Variants in RSU1 observed in about 807,000 individuals in gnomAD.
RSU1 encodes Ras suppressor protein 1.
In RSU1, 26 loss-of-function variants were observed where a neutral mutation model predicts 31.1. The observed-to-expected ratio is 0.84, with a 90% CI of 0.61 to 1.16. The LOEUF (loss-of-function observed/expected upper bound fraction) is 1.16. Among genes scored for constraint, RSU1 ranks in the 50% most tolerant of loss-of-function variants. The pLI is 0.00. For missense variants in RSU1, 320 were observed against 339.1 expected, an observed-to-expected ratio of 0.94 and a Z score of 0.44; for synonymous variants, 164 against 136.3, an observed-to-expected ratio of 1.20 and a Z score of -1.41.
At chr10:16,688,562 T>C (rs1835481644) in intron 8 of RSU1, among the ~76,000 whole-genome samples, 2 of 151,970 alleles carry the variant, frequency 1.3e-5, no homozygotes, top group African/African-American at 4.8e-5. Context: ...TGAGCCCAGA[T>C]CACGCCACTG....
intron 7 of RSU1, among the ~76,000 whole-genome samples, chr10:16,712,733 G>A (rs1836047073): frequency 6.6e-6 from 1 of 152,116 alleles, no homozygotes. Context: ...CTAGAGGATT[G>A]AGAGATTTAC....
intron 2 of RSU1, among the ~76,000 whole-genome samples, chr10:16,811,611 G>A (rs766884802): frequency 9.0e-4 from 137 of 152,198 alleles, no homozygotes; most frequent in Non-Finnish European, 1.0e-3. Flanking sequence ...TGCCATTACC[G>A]ATTCAGTCAT....
chr10:16,769,462 C>T (rs767075213), intron 3 of RSU1, among the ~76,000 whole-genome samples: 2 of 152,226 alleles, frequency 1.3e-5, no homozygotes, highest in African/African-American at 2.4e-5. Context: ...GGATACTGAC[C>T]GTTTCCATCA....
At chr10:16,746,097 C>T (rs1836847928) in intron 7 of RSU1, among the ~76,000 whole-genome samples, 1 of 152,164 alleles carries the variant, frequency 6.6e-6, no homozygotes, top group African/African-American at 2.4e-5. Context: ...TCTGTTTATT[C>T]TGGAGTATAT....
chr10:16,645,663 C>A (rs1420073507), intron 8 of RSU1, among the ~76,000 whole-genome samples: 3 of 151,118 alleles, frequency 2.0e-5, no homozygotes, highest in Non-Finnish European at 4.4e-5. Context: ...CAAAAATTAG[C>A]CAGGCGTGTG....
chr10:16,751,562 T>C (rs1836981903), intron 7 of RSU1, among the ~76,000 whole-genome samples: 1 of 152,228 alleles, frequency 6.6e-6, no homozygotes, highest in Non-Finnish European at 1.5e-5. Flanking sequence ...TCCAAGGTCC[T>C]TGCTTCATTA....
At chr10:16,714,399 C>G (rs935194597) in intron 7 of RSU1, among the ~76,000 whole-genome samples, 1 of 152,182 alleles carries the variant, frequency 6.6e-6, no homozygotes, top group Non-Finnish European at 1.5e-5. Flanking sequence ...GACCAGCTGT[C>G]AGGCTAGACA....
intron 2 of RSU1, among the ~76,000 whole-genome samples, chr10:16,805,778 T>C (rs775268464): frequency 1.3e-5 from 2 of 152,024 alleles, no homozygotes; most frequent in Non-Finnish European, 2.9e-5. Context: ...GTATTGTTAA[T>C]TGCGTGTCAG....
intron 2 of RSU1, among the ~76,000 whole-genome samples, chr10:16,801,591 T>C (rs1461173581): frequency 6.6e-6 from 1 of 152,106 alleles, no homozygotes; most frequent in African/African-American, 2.4e-5. Context: ...AAAATGCACA[T>C]TCTTCTGAAG....
At chr10:16,689,009 A>T (rs1225196729) in intron 8 of RSU1, among the ~76,000 whole-genome samples, 4 of 148,970 alleles carry the variant, frequency 2.7e-5, no homozygotes, top group Non-Finnish European at 5.9e-5. Context: ...CTGTGTCCCT[A>T]AGGAAAAAAA....
intron 7 of RSU1, among the ~76,000 whole-genome samples, chr10:16,731,307 G>A (rs1836506996): frequency 6.6e-6 from 1 of 151,906 alleles, no homozygotes; most frequent in Admixed American, 6.6e-5. Context: ...GTGGGCGCCT[G>A]TAGTCCCAGC....
At chr10:16,780,707 G>A (rs887213330) in intron 3 of RSU1, among the ~76,000 whole-genome samples, 3 of 152,162 alleles carry the variant, frequency 2.0e-5, no homozygotes, top group African/African-American at 7.2e-5. Flanking sequence ...GGAATCACGT[G>A]GTCCACGCTT....
At chr10:16,811,164 A>G (rs941783874) in intron 2 of RSU1, among the ~76,000 whole-genome samples, 1 of 152,192 alleles carries the variant, frequency 6.6e-6, no homozygotes, top group African/African-American at 2.4e-5. Flanking sequence ...ATTCCATACA[A>G]TCACATGCTG....
intron 8 of RSU1, among the ~76,000 whole-genome samples, chr10:16,597,344 A>T (rs192215435): frequency 6.6e-6 from 1 of 152,128 alleles, no homozygotes; most frequent in Non-Finnish European, 1.5e-5. Context: ...CTGCCTTTTT[A>T]TATTCAGATC....
At chr10:16,624,272 G>A (rs960087237) in intron 8 of RSU1, among the ~76,000 whole-genome samples, 2 of 152,056 alleles carry the variant, frequency 1.3e-5, no homozygotes, top group Non-Finnish European at 2.9e-5. Context: ...CTGGTAGACC[G>A]ACTGAGAGCT....
intron 8 of RSU1, among the ~76,000 whole-genome samples, chr10:16,600,457 A>G (rs1013399150): frequency 3.3e-5 from 5 of 152,184 alleles, no homozygotes; most frequent in Non-Finnish European, 5.9e-5. Flanking sequence ...AAGATTGCAC[A>G]GCAAAAAATT....
intron 2 of RSU1, among the ~76,000 whole-genome samples, chr10:16,785,846 C>T (rs1345674851): frequency 6.6e-6 from 1 of 152,106 alleles, no homozygotes; most frequent in Non-Finnish European, 1.5e-5. Context: ...CTTGTTTTCC[C>T]CTCTTGTAAT....
chr10:16,644,968 G>T (rs73601082), intron 8 of RSU1, among the ~76,000 whole-genome samples: 6,783 of 152,150 alleles, frequency 0.045, 522 homozygotes, highest in African/African-American at 0.15. Flanking sequence ...ATGAAATCAA[G>T]GAAATTGTAT....
At chr10:16,623,238 C>T (rs1460128254) in intron 8 of RSU1, among the ~76,000 whole-genome samples, 1 of 152,084 alleles carries the variant, frequency 6.6e-6, no homozygotes, top group Admixed American at 6.5e-5. Context: ...TTTTTTTGTC[C>T]ATGAAGACCA....
Sources: allele counts gnomAD v4.1 joint callset (sites outside exome capture counted in the v4.1 genomes callset), GRCh38; gene constraint gnomAD v4.1.1; transcripts MANE v1.5; gene names NCBI Gene and HGNC (gene_info 2026-07-23, HGNC 2026-07-21).